CDHR1: variants seen among roughly 807,000 people sequenced by gnomAD.
CDHR1 encodes cadherin-related family member 1.
Under a neutral mutation model 72.1 loss-of-function variants are expected in CDHR1, and 61 were observed. The observed-to-expected ratio is 0.85, with a 90% CI of 0.69 to 1.05. The LOEUF (loss-of-function observed/expected upper bound fraction) is 1.05. Ranked by LOEUF, CDHR1 falls within the 50% of genes least tolerant of loss-of-function variation. The probability of loss-of-function intolerance (pLI) is 0.00; values close to 1 mark genes in which losing one functional copy is unlikely to be tolerated. For synonymous variants in CDHR1, 470 were observed against 448.1 expected, an observed-to-expected ratio of 1.05 and a Z score of -0.62; for missense variants, 1,186 against 1,115.7, an observed-to-expected ratio of 1.06 and a Z score of -0.90.
At chr10:84,202,024 A>T in intron 7 of CDHR1, 104 bp downstream of exon 7, 2 of 825,312 alleles carry the variant, frequency 2.4e-6, no homozygotes, top group Non-Finnish European at 4.0e-6. Context: ...AGCAGGAGAC[A>T]TGATGGGCGT....
chr10:84,201,660 A>G (rs1356925502), intron 6 of CDHR1, 147 bp from the exon 7 acceptor site: 5 of 676,116 alleles, frequency 7.4e-6, no homozygotes, highest in Admixed American at 2.2e-5. Context: ...ACCTGGGACC[A>G]GAAAAGCTGA....
In CDHR1 at chr10:84,194,711, C is replaced by T. The variant is rs1017801933; in HGVS notation, c.-50C>T. The stretch of plus-strand genomic sequence containing the variant: ...GCGGGCCCAGGGCATGCTCCGTGCC[C>T]CTGCGCCCGGTCTCGGCGGCGGCAG... On this transcript the variant is annotated 5_prime_UTR_variant, in exon 1 of 17. Transcript: ENST00000623527. 23 of 1,441,632 alleles carry T rather than the reference C, an allele frequency of 1.6e-5. No homozygotes were observed. The highest frequency in any genetic ancestry group is 8.0e-5 in the Admixed American group (3 of 37,560). The allele number at this position is 1,441,632 out of a possible 1,614,324, so 89.3% of individuals were successfully genotyped here.
intron 1 of CDHR1, 105 bp downstream of exon 1, chr10:84,194,920 G>C: frequency 9.1e-7 from 1 of 1,102,580 alleles, no homozygotes; most frequent in Non-Finnish European, 1.3e-6. Flanking sequence ...CTTCCAGAGT[G>C]GGACTCGGGC....
intron 3 of CDHR1, 86 bp from the exon 4 acceptor site, chr10:84,197,700 G>C (rs117699987): frequency 3.5e-5 from 43 of 1,237,490 alleles, no homozygotes; most frequent in Non-Finnish European, 4.6e-5. Context: ...TGATGGGTGC[G>C]TGGGGCAGGG....
Position 84,201,883 on chromosome 10 carries a change from A to C in CDHR1, c.602A>C (p.Glu201Ala). 6.2e-7 allele frequency: 1 copy of C among 1,608,248 alleles called. No individual in the cohort carries two copies. The highest frequency in any genetic ancestry group is 2.2e-5 in the East Asian group (1 of 44,884). ...CAGGCTGGGGCCACTCTGGACTACG[A>C]GAGGTCCCGGACCCACTACATCACC... Reference protein sequence around the residue: ...RLQAGATLDYERSRTHYITVV... With the variant: ...RLQAGATLDYARSRTHYITVV... Residue 201 changes from glutamate to alanine, a missense_variant, in exon 7 of 17, where the codon GAG becomes GCG. By Grantham distance (107) the Glu-to-Ala change is moderately radical (BLOSUM62 -1). Transcript: ENST00000623527.
Position 84,214,788 on chromosome 10 carries a change from A to G in CDHR1, c.*167A>G. 6.5e-7 allele frequency: 1 copy of G among 1,549,912 alleles called. No homozygotes were observed. Among genetic ancestry groups the G allele is most frequent in the South Asian group, 1.2e-5 (1 of 84,288 alleles). ...TACCGCCACCTTCTGGCGCAACAAG[A>G]AGTTGCGCTCTGACAGGGCTCTAGT... On this transcript the variant is annotated 3_prime_UTR_variant, in exon 17 of 17. Coordinates refer to ENST00000623527, the MANE Select transcript of CDHR1 (RefSeq NM_033100.4).
Position 84,195,513 on chromosome 10 carries a change from G to A in CDHR1, c.75G>A (p.Pro25=), listed in dbSNP as rs1319670529. Residue 25 remains proline, a synonymous_variant, in exon 2 of 17, where the codon CCG becomes CCA. Transcript: ENST00000623527. The stretch of plus-strand genomic sequence containing the variant: ...TTCCAGCTCAGGCCAACTTCGCCCC[G>A]CACTTCTTCGACAACGGGGTCGGCA... The part of the protein sequence containing the change: ...RLCLAQANFA[P]HFFDNGVGST... The A allele has an allele frequency of 1.9e-6, 3 of 1,614,070 alleles. No individual in the cohort carries two copies. Among genetic ancestry groups the A allele is most frequent in the Non-Finnish European group, 2.5e-6 (3 of 1,179,976 alleles).
chr10:84,201,213 A>G (rs1338880784), intron 6 of CDHR1, among the ~76,000 whole-genome samples: 1 of 152,132 alleles, frequency 6.6e-6, no homozygotes, highest in Admixed American at 6.5e-5. Context: ...TCCTTGTTCC[A>G]TTGTTCTGAA....
rs1243550633 is a variant in CDHR1, at chr10:84,195,491, C to T, written c.56-3C>T. 3.8e-5 allele frequency: 62 copies of T among 1,613,432 alleles called. No homozygotes were observed. Among genetic ancestry groups the T allele is most frequent in the Non-Finnish European group, 5.1e-5 (60 of 1,179,700 alleles). ...GTCCGTCTGTTCTGTGTTCTTTTTC[C>T]AGCTCAGGCCAACTTCGCCCCGCAC... is the stretch of plus-strand genomic sequence containing the variant. On this transcript the variant is annotated splice_region_variant and splice_polypyrimidine_tract_variant and intron_variant, in intron 1 of 16. Coordinates refer to ENST00000623527, the MANE Select transcript of CDHR1 (RefSeq NM_033100.4).
chr10:84,196,755 G>C (rs1842037361), intron 3 of CDHR1, 105 bp downstream of exon 3: 2 of 1,299,580 alleles, frequency 1.5e-6, no homozygotes, highest in African/African-American at 1.5e-5. Context: ...CCACAGAGTA[G>C]GGGATGAGGG....
intron 10 of CDHR1, 25 bp from the exon 11 acceptor site, chr10:84,208,149 C>G: frequency 1.2e-6 from 2 of 1,606,862 alleles, no homozygotes; most frequent in Non-Finnish European, 1.7e-6. Flanking sequence ...TGCCACACAG[C>G]CATAGCCACT....
chr10:84,215,733 A>G lies in CDHR1; in HGVS notation c.*1112A>G. 1 of 985,384 alleles carries G rather than the reference A, an allele frequency of 1.0e-6. No homozygotes were observed. The highest frequency in any genetic ancestry group is 1.2e-6 in the Non-Finnish European group (1 of 829,932). 61.0% of individuals were successfully genotyped at this position (985,384 alleles called of 1,614,324 possible). A position where few individuals can be genotyped will look rare whatever the true frequency, so the allele number is the denominator to read the frequency against. The stretch of plus-strand genomic sequence containing the variant: ...AGTTCTGTGGGTGCAGCTCTTCCAG[A>G]AAGTATTAGGAGCCTCACATCTACT... On this transcript the variant is annotated 3_prime_UTR_variant, in exon 17 of 17. Transcript: ENST00000623527.
intron 6 of CDHR1, among the ~76,000 whole-genome samples, chr10:84,201,305 C>T (rs1842120680): frequency 6.6e-6 from 1 of 152,198 alleles, no homozygotes; most frequent in Non-Finnish European, 1.5e-5. Flanking sequence ...CCCCAGGGAC[C>T]CTACCAGAGG....
In CDHR1 at chr10:84,214,085, C is replaced by T. The variant is rs761332490; in HGVS notation, c.2044C>T (p.Leu682Phe). The T allele has an allele frequency of 4.3e-6, 7 of 1,614,074 alleles. No individual in the cohort carries two copies. In the East Asian group the frequency reaches 8.9e-5, roughly 21 times the overall value. Reference protein sequence around the residue: ...LKIDITDAETLSRSPMAAFLI... With the variant: ...LKIDITDAETFSRSPMAAFLI... ...AGGGAGTGGCTTTCTCTTTCAGACC[C>T]TCTCCCGGAGCCCCATGGCTGCCTT... is the stretch of plus-strand genomic sequence containing the variant. The change falls in exon 17 of 17, where the codon CTC (leucine) becomes TTC (phenylalanine). Residue 682 changes from leucine to phenylalanine, a missense_variant. Transcript: ENST00000623527.
intron 12 of CDHR1, among the ~76,000 whole-genome samples, chr10:84,209,946 G>T (rs116120485): frequency 6.6e-6 from 1 of 152,226 alleles, no homozygotes; most frequent in Non-Finnish European, 1.5e-5. Context: ...TTGGTTGGGC[G>T]TGGTGGCTCA....
rs141446938 is a variant in CDHR1 at position 84,195,585 on chromosome 10, T to C, written c.147T>C (p.Pro49=). 76 of 1,613,288 alleles carry C rather than the reference T, an allele frequency of 4.7e-5. No individual in the cohort carries two copies. The highest frequency in any genetic ancestry group is 6.1e-5 in the Non-Finnish European group (72 of 1,179,372). The change falls in exon 2 of 17, where the codon CCT becomes CCC. Residue 49 remains proline (P), a synonymous_variant. Transcript: ENST00000623527. ...MALFSLPEDT[P]VGSHVYTLNG... is the part of the protein sequence containing the mutation. ...TGTTCAGCCTCCCAGAGGACACCCC[T>C]GTAGGTGAGTAGCCCTGGCACCTGC...
intron 9 of CDHR1, among the ~76,000 whole-genome samples, chr10:84,205,300 T>C (rs1405138711): frequency 6.6e-6 from 1 of 152,046 alleles, no homozygotes; most frequent in Non-Finnish European, 1.5e-5. Context: ...GCTGCCAGCC[T>C]CCTTTCCCCA....
At position 84,204,567 on chromosome 10, in the gene CDHR1, G is replaced by A. The variant is rs201505995; in HGVS notation, c.824G>A (p.Arg275Gln). ...VLKVVAMDGD[R>Q]GKPNRILYSL... ...AAGGTGGTCGCCATGGATGGAGACC[G>A]GGGCAAACCCAATCGAATTCTCTAC... The change falls in exon 9 of 17, where the codon CGG (arginine) becomes CAG (glutamine). Residue 275 changes from arginine (R) to glutamine (Q), a missense_variant. Coordinates refer to ENST00000623527, the MANE Select transcript of CDHR1 (RefSeq NM_033100.4). The A allele has an allele frequency of 1.5e-5, 25 of 1,613,598 alleles. No individual in the cohort carries two copies. Among genetic ancestry groups the A allele is most frequent in the South Asian group, 4.4e-5 (4 of 91,068 alleles).
chr10:84,219,460 G>C (rs1842476213), downstream of CDHR1: 2 of 977,794 alleles, frequency 2.0e-6, no homozygotes, highest in Non-Finnish European at 2.8e-6. Flanking sequence ...GCACCACCAA[G>C]CTTCTTTTGC....
Sources: gnomAD v4.1 joint callset for allele counts (sites outside exome capture counted in the v4.1 genomes callset) on GRCh38, gnomAD v4.1.1 for gene constraint, MANE v1.5 for transcripts, NCBI Gene and HGNC (gene_info 2026-07-23, HGNC 2026-07-21) for gene names.